Variants in C7 observed in about 807,000 individuals in gnomAD.
C7 encodes the protein complement component C7.
In C7, 83 loss-of-function variants were observed where a neutral mutation model predicts 104.8. The observed-to-expected ratio is 0.79, with a 90% CI of 0.66 to 0.95. The LOEUF is 0.95. C7 is among the 40% of genes least tolerant of loss of function. The pLI, the probability that C7 is intolerant of heterozygous loss-of-function variation, is 0.00. For synonymous variants in C7, 415 were observed against 360.6 expected (o/e 1.15, Z -1.71); for missense variants, 1,070 against 1,011.2 (o/e 1.06, Z -0.79).
intron 1 of C7, among the ~76,000 whole-genome samples, chr5:40,920,536 TAAAA>T (rs555616278): frequency 2.5e-5 from 3 of 121,720 alleles, no homozygotes; most frequent in Admixed American, 8.4e-5. Context: ...GTTCTCCCAT[TAAAA>T]AAAAAAAAAA....
intron 14 of C7, among the ~76,000 whole-genome samples, chr5:40,965,540 T>C (rs1740524233): frequency 6.6e-6 from 1 of 152,118 alleles, no homozygotes; most frequent in Non-Finnish European, 1.5e-5. Flanking sequence ...TGTACTGATT[T>C]ACATCTCTAG....
At chr5:40,943,080 G>C (rs1739974845) in intron 6 of C7, among the ~76,000 whole-genome samples, 1 of 152,154 alleles carries the variant, frequency 6.6e-6, no homozygotes, top group Non-Finnish European at 1.5e-5. Flanking sequence ...GCAAGCCCTG[G>C]CTGGGTTTTT....
intron 13 of C7, 47 bp from the exon 14 acceptor site, chr5:40,964,694 G>T (rs763391483): frequency 3.2e-6 from 5 of 1,569,032 alleles, no homozygotes; most frequent in South Asian, 1.1e-5. Flanking sequence ...TTTTGTTAAT[G>T]CAAAATAGAC....
At chr5:40,920,038 GATAAA>G (rs1739406988) in intron 1 of C7, among the ~76,000 whole-genome samples, 1 of 151,816 alleles carries the variant, frequency 6.6e-6, no homozygotes, top group African/African-American at 2.4e-5. Flanking sequence ...ACAAAAGATA[GATAAA>G]ATAAGTTCTT....
rs1741009117 is a variant in C7 at position 40,983,991 on chromosome 5, T to C, written c.*2418T>C. On this transcript the variant is annotated 3_prime_UTR_variant, in exon 18 of 18. Coordinates refer to ENST00000313164, the MANE Select transcript of C7 (RefSeq NM_000587.4). ...AATTGGCTGGTGCATTAATCATCACTAGCTTCAGGGAGCTATGTGGAGGCC... is the reference window on the plus strand; with the variant it reads ...AATTGGCTGGTGCATTAATCATCACCAGCTTCAGGGAGCTATGTGGAGGCC... Among the ~76,000 whole-genome samples the C allele has an allele frequency of 1.3e-5, 2 of 152,150 alleles. No individual in the cohort carries two copies. Among genetic ancestry groups the C allele is most frequent in the South Asian group, 2.1e-4 (1 of 4,824 alleles).
intron 12 of C7, among the ~76,000 whole-genome samples, chr5:40,960,147 T>C (rs1221343507): frequency 2.0e-5 from 3 of 152,198 alleles, no homozygotes; most frequent in Non-Finnish European, 2.9e-5. Context: ...CCCAGTAGCC[T>C]GGCACTAAAC....
intron 13 of C7, among the ~76,000 whole-genome samples, chr5:40,962,458 C>A: frequency 6.6e-6 from 1 of 152,272 alleles, no homozygotes; most frequent in East Asian, 1.9e-4. Flanking sequence ...CACTGCCACC[C>A]TAAACACCAA....
At chr5:40,944,857 C>T (rs564264162) in intron 6 of C7, among the ~76,000 whole-genome samples, 10 of 152,224 alleles carry the variant, frequency 6.6e-5, no homozygotes, top group South Asian at 4.1e-4. Flanking sequence ...AAATCAAGAA[C>T]GAAATTCTTT....
intron 16 of C7, among the ~76,000 whole-genome samples, chr5:40,977,477 C>T (rs1034501795): frequency 1.3e-4 from 20 of 152,116 alleles, no homozygotes; most frequent in African/African-American, 4.6e-4. Context: ...ACAGCTTGAC[C>T]GTATAGCCAT....
chr5:40,978,305 G>A (rs1740864141), intron 16 of C7, among the ~76,000 whole-genome samples: 1 of 152,094 alleles, frequency 6.6e-6, no homozygotes, highest in South Asian at 2.1e-4. Context: ...TGGCGTGATG[G>A]AAATGGTGGT....
chr5:40,975,366 CT>C lies in C7; in HGVS notation c.2075-1369del, dbSNP rs1162765793. 3.9e-3 allele frequency among the ~76,000 whole-genome samples: 554 copies of C among 141,978 alleles called. 2 individuals carry two copies. The highest frequency in any genetic ancestry group is 0.023 in the Middle Eastern group (6 of 260). 93.1% of individuals were successfully genotyped at this position (141,978 alleles called of 152,430 possible). A position where few individuals can be genotyped will look rare whatever the true frequency, so the allele number is the denominator to read the frequency against. On this transcript the variant is annotated intron_variant, in intron 15 of 17. Coordinates refer to ENST00000313164, the MANE Select transcript of C7 (RefSeq NM_000587.4). The stretch of plus-strand genomic sequence containing the variant: ...TAATACCATTTTAAAGAGAAGTGTG[CT>C]TTTTTTTTTTTTTTGAGACAAGGTC...
intron 1 of C7, among the ~76,000 whole-genome samples, chr5:40,916,053 G>A (rs1653638624): frequency 6.6e-6 from 1 of 150,964 alleles, no homozygotes; most frequent in Non-Finnish European, 1.5e-5. Context: ...GTAAAGATTT[G>A]AATTGTATCT....
At chr5:40,913,659 A>AATAT (rs111766738) in intron 1 of C7, among the ~76,000 whole-genome samples, 44 of 151,570 alleles carry the variant, frequency 2.9e-4, no homozygotes, top group African/African-American at 1.0e-3. Flanking sequence ...ACCATGTGCA[A>AATAT]ATATATATAT....
intron 6 of C7, among the ~76,000 whole-genome samples, chr5:40,940,270 G>A (rs928533800): frequency 4.6e-5 from 7 of 152,166 alleles, no homozygotes; most frequent in African/African-American, 1.7e-4. Context: ...CCAATTTCTT[G>A]TCGAGTAAGC....
At chr5:40,918,054 T>G (rs1193793378) in intron 1 of C7, among the ~76,000 whole-genome samples, 2 of 152,080 alleles carry the variant, frequency 1.3e-5, no homozygotes, top group Non-Finnish European at 2.9e-5. Flanking sequence ...AAAGCAAAAA[T>G]CTTTAGTAGA....
chr5:40,949,778 A>C (rs376504765), intron 8 of C7, 126 bp from the exon 9 acceptor site: 1 of 656,940 alleles, frequency 1.5e-6, no homozygotes, highest in Non-Finnish European at 2.7e-6. Context: ...GAAAATGTTC[A>C]TATCATGTCA....
intron 1 of C7, among the ~76,000 whole-genome samples, chr5:40,917,121 C>T (rs955519499): frequency 2.8e-4 from 41 of 143,970 alleles, no homozygotes; most frequent in African/African-American, 1.0e-3. Context: ...AGTGACAGAG[C>T]GAGACTCCAT....
chr5:40,977,681 C>T (rs569440989), intron 16 of C7, among the ~76,000 whole-genome samples: 2 of 152,288 alleles, frequency 1.3e-5, no homozygotes, highest in African/African-American at 2.4e-5. Flanking sequence ...AGTCAGTGCT[C>T]ACCACTGATC....
chr5:40,914,576 C>T (rs974458506), intron 1 of C7, among the ~76,000 whole-genome samples: 1 of 152,098 alleles, frequency 6.6e-6, no homozygotes, highest in African/African-American at 2.4e-5. Flanking sequence ...AGGTTTTCTT[C>T]TAGTGTTTTT....
Sources: gnomAD v4.1 joint callset for allele counts (sites outside exome capture counted in the v4.1 genomes callset) on GRCh38, gnomAD v4.1.1 for gene constraint, MANE v1.5 for transcripts, NCBI Gene and HGNC (gene_info 2026-07-23, HGNC 2026-07-21) for gene names.